The following PDZRN3 variants were observed in gnomAD, a reference collection of about 807,000 sequenced individuals.
PDZRN3 encodes PDZ domain containing ring finger 3, also known as E3 ubiquitin-protein ligase PDZRN3.
In PDZRN3, 38 loss-of-function variants were observed where a neutral mutation model predicts 85.7. That is an observed-to-expected ratio of 0.44 (90% confidence interval 0.34 to 0.58). PDZRN3 has a LOEUF of 0.58. Ranked by LOEUF, PDZRN3 falls within the 20% of genes least tolerant of loss-of-function variation. PDZRN3 has a pLI of 0.01. For missense variants in PDZRN3, 1,629 were observed against 1,506.4 expected (o/e 1.08, Z -1.35); for synonymous variants, 759 against 638.0 (o/e 1.19, Z -2.86).
At chr3:73,572,586 G>A (rs1702059747) in intron 3 of PDZRN3, among the ~76,000 whole-genome samples, 1 of 152,166 alleles carries the variant, frequency 6.6e-6, no homozygotes, top group African/African-American at 2.4e-5. Flanking sequence ...CTGTCAGGGT[G>A]CATATAATTC....
chr3:73,560,076 G>C (rs6766396), intron 3 of PDZRN3, among the ~76,000 whole-genome samples: 73,376 of 152,104 alleles, frequency 0.48, 17,860 homozygotes, highest in South Asian at 0.5. Context: ...GTCTGCACCA[G>C]ACAGTGCCTG....
At chr3:73,538,498 T>C (rs545046969) in intron 3 of PDZRN3, among the ~76,000 whole-genome samples, 21 of 152,234 alleles carry the variant, frequency 1.4e-4, no homozygotes, top group Admixed American at 6.5e-5. Context: ...TGTACTTTTA[T>C]AGGACACATA....
chr3:73,439,411 T>C (rs1303613664), intron 3 of PDZRN3, among the ~76,000 whole-genome samples: 1 of 152,194 alleles, frequency 6.6e-6, no homozygotes, highest in Non-Finnish European at 1.5e-5. Flanking sequence ...CCACAAGCCC[T>C]GTATACTATG....
At chr3:73,474,522 T>C (rs1257684527) in intron 3 of PDZRN3, 9 of 1,288,392 alleles carry the variant, frequency 7.0e-6, no homozygotes, top group Non-Finnish European at 9.1e-6. Flanking sequence ...GATCATCCTC[T>C]TGTGTTCCAT....
chr3:73,401,158 C>T (rs375481050), intron 4 of PDZRN3, 149 bp from the exon 5 acceptor site: 10 of 614,694 alleles, frequency 1.6e-5, no homozygotes, highest in Admixed American at 2.6e-5. Flanking sequence ...GCTCTCAGCA[C>T]GGTCAGGACC....
chr3:73,509,511 C>T (rs1352132171), intron 3 of PDZRN3, among the ~76,000 whole-genome samples: 1 of 152,174 alleles, frequency 6.6e-6, no homozygotes, highest in African/African-American at 2.4e-5. Flanking sequence ...GGCTCATGTC[C>T]CTTCTGGATC....
At chr3:73,619,831 G>A (rs952048538) in intron 1 of PDZRN3, among the ~76,000 whole-genome samples, 1 of 152,220 alleles carries the variant, frequency 6.6e-6, no homozygotes, top group African/African-American at 2.4e-5. Flanking sequence ...ACATTTATAA[G>A]AGATTAATTC....
At chr3:73,584,147 G>GA (rs201843833) in intron 3 of PDZRN3, among the ~76,000 whole-genome samples, 4,567 of 149,718 alleles carry the variant, frequency 0.031, 222 homozygotes, top group African/African-American at 0.11. Flanking sequence ...AAAAAAAGAG[G>GA]AAAAAAAAAG....
chr3:73,604,795 A>G (rs949204482), intron 2 of PDZRN3, among the ~76,000 whole-genome samples: 3 of 152,218 alleles, frequency 2.0e-5, no homozygotes, highest in Non-Finnish European at 4.4e-5. Flanking sequence ...AAAATACCAC[A>G]TTGCACATAA....
At chr3:73,603,747 A>C (rs1243076893) in intron 2 of PDZRN3, among the ~76,000 whole-genome samples, 1 of 152,150 alleles carries the variant, frequency 6.6e-6, no homozygotes, top group African/African-American at 2.4e-5. Context: ...CTATATTCTA[A>C]AGGGGGAAGG....
At chr3:73,458,927 G>A (rs912891019) in intron 3 of PDZRN3, among the ~76,000 whole-genome samples, 2 of 151,532 alleles carry the variant, frequency 1.3e-5, no homozygotes, top group African/African-American at 4.9e-5. Flanking sequence ...GGGAGGTGGA[G>A]GTTGCAGTGA....
At chr3:73,389,610 CCCAGTCCTCACCACTCCCTCTT>C (rs1701477757) in intron 7 of PDZRN3, among the ~76,000 whole-genome samples, 184 bp downstream of exon 7, 1 of 152,136 alleles carries the variant, frequency 6.6e-6, no homozygotes, top group African/African-American at 2.4e-5. Flanking sequence ...TCTAGTTTGT[CCCAGTCCTCACCACTCCCTCTT>C]GCGTCTTATG....
intron 5 of PDZRN3, among the ~76,000 whole-genome samples, chr3:73,399,103 A>G (rs777166717): frequency 5.9e-5 from 9 of 152,168 alleles, no homozygotes; most frequent in Non-Finnish European, 1.0e-4. Context: ...GTTCCATCAG[A>G]TTCTCAAAGG....
At chr3:73,509,831 G>T (rs547575120) in intron 3 of PDZRN3, among the ~76,000 whole-genome samples, 1 of 152,302 alleles carries the variant, frequency 6.6e-6, no homozygotes, top group East Asian at 1.9e-4. Context: ...GCACGGGCGG[G>T]CGGCTCTTCT....
At position 73,384,185 on chromosome 3, in the gene PDZRN3, G is replaced by A. The variant is rs1035296341; in HGVS notation, c.2381C>T (p.Ala794Val). 9.9e-6 allele frequency: 16 copies of A among 1,613,906 alleles called. No homozygotes were observed. The highest frequency in any genetic ancestry group is 1.7e-5 in the Admixed American group (1 of 60,014). Residue 794 changes from alanine (A) to valine (V), a missense_variant, in exon 10 of 10, where the codon GCT becomes GTT. Ala to Val is a moderately conservative substitution (Grantham distance 64). Transcript: ENST00000263666. The part of the protein sequence containing the change: ...EGISCPSSEG[A>V]VGTTEAYGPA... ...CCCGTAGGCTTCCGTGGTCCCCACAGCCCCTTCGCTGCTCGGGCAGCTGAT... is the reference window on the plus strand; with the variant it reads ...CCCGTAGGCTTCCGTGGTCCCCACAACCCCTTCGCTGCTCGGGCAGCTGAT...
intron 3 of PDZRN3, among the ~76,000 whole-genome samples, chr3:73,533,032 T>TA (rs1336799302): frequency 6.6e-6 from 1 of 152,236 alleles, no homozygotes; most frequent in African/African-American, 2.4e-5. Flanking sequence ...GAGAAGTCTT[T>TA]AACTCAATGG....
At chr3:73,397,038 CTTTTTTTTTT>C (rs199940941) in intron 5 of PDZRN3, among the ~76,000 whole-genome samples, 1 of 143,884 alleles carries the variant, frequency 7.0e-6, no homozygotes, top group East Asian at 2.0e-4. Flanking sequence ...CTTTTTCTTT[CTTTTTTTTTT>C]TTTGAGACAG....
Position 73,389,830 on chromosome 3 carries a change from C to G in PDZRN3, c.1402G>C (p.Asp468His). ...AGTGGACTTACCTGGATAATGCGGT[C>G]TCCTTCTCGGATGCGCCCATCCTTG... ...AAKDGRIREGDRIIQINGIEV... is the reference protein window; with the variant it reads ...AAKDGRIREGHRIIQINGIEV... Residue 468 changes from aspartate (D) to histidine (H), a missense_variant, in exon 7 of 10, where the codon GAC (aspartate) becomes CAC (histidine). Transcript: ENST00000263666. 1 of 1,613,378 alleles carries G rather than the reference C, an allele frequency of 6.2e-7. No individual in the cohort carries two copies. The highest frequency in any genetic ancestry group is 8.5e-7 in the Non-Finnish European group (1 of 1,179,302).
intron 3 of PDZRN3, among the ~76,000 whole-genome samples, chr3:73,479,008 C>T (rs1559700473): frequency 6.6e-6 from 1 of 152,218 alleles, no homozygotes; most frequent in Non-Finnish European, 1.5e-5. Context: ...TTTGCACCAA[C>T]CTAATAATTC....
Sources: allele counts gnomAD v4.1 joint callset (sites outside exome capture counted in the v4.1 genomes callset), GRCh38; gene constraint gnomAD v4.1.1; transcripts MANE v1.5; gene names NCBI Gene and HGNC (gene_info 2026-07-23, HGNC 2026-07-21).